Variants in MACROD2 observed in about 807,000 individuals in gnomAD.
The protein encoded by MACROD2 is mono-ADP ribosylhydrolase 2.
A neutral mutation model predicts 70.4 loss-of-function variants in MACROD2; 36 were observed. The ratio of observed to expected loss-of-function variants is 0.51; its 90% CI spans 0.39 to 0.68. The LOEUF (loss-of-function observed/expected upper bound fraction) is 0.68. Among genes scored for constraint, MACROD2 ranks in the 30% least tolerant of loss-of-function variants. The pLI is 0.00. For missense variants in MACROD2, 496 were observed against 538.4 expected (o/e 0.92, Z 0.78); for synonymous variants, 172 against 178.8 (o/e 0.96, Z 0.30).
intron 3 of MACROD2, among the ~76,000 whole-genome samples, chr20:14,189,468 T>G (rs1194960486): frequency 6.6e-6 from 1 of 152,224 alleles, no homozygotes; most frequent in Non-Finnish European, 1.5e-5. Context: ...ACAGCAGCTT[T>G]TTGGTTTCCT....
intron 8 of MACROD2, among the ~76,000 whole-genome samples, chr20:15,773,384 CT>C (rs1258273362): frequency 6.6e-6 from 1 of 152,014 alleles, no homozygotes; most frequent in Non-Finnish European, 1.5e-5. Context: ...AAACTTGATT[CT>C]GCTGCAAATC....
intron 2 of MACROD2, among the ~76,000 whole-genome samples, chr20:14,057,500 C>T (rs553925382): frequency 3.3e-5 from 5 of 152,210 alleles, no homozygotes; most frequent in African/African-American, 1.2e-4. Context: ...TAACACTCAG[C>T]AGAATGGCTA....
At chr20:15,955,675 A>G (rs1257275371) in intron 12 of MACROD2, among the ~76,000 whole-genome samples, 1 of 152,230 alleles carries the variant, frequency 6.6e-6, no homozygotes, top group East Asian at 1.9e-4. Context: ...TGAACCACAA[A>G]TGAGAACTAC....
intron 6 of MACROD2, among the ~76,000 whole-genome samples, chr20:15,359,780 A>C (rs539782034): frequency 6.6e-6 from 1 of 152,178 alleles, no homozygotes; most frequent in African/African-American, 2.4e-5. Flanking sequence ...TTGCAAAAAT[A>C]TGAGAGGTTC....
rs553456583 is a variant in MACROD2, at chr20:14,246,800, C to G, written c.271+161072C>G. Among the ~76,000 whole-genome samples, 6 of 152,264 alleles carry G rather than the reference C, an allele frequency of 3.9e-5. No homozygotes were observed. In the South Asian group the frequency reaches 1.2e-3, roughly 32 times the overall value. The stretch of plus-strand genomic sequence containing the variant: ...TCCTGTTGTAAAAACCCCTCCCAAA[C>G]TCTTATTCAGCCTTCCCTCAAGGTG... On this transcript the variant is annotated intron_variant, in intron 3 of 17. Coordinates refer to ENST00000684519, the MANE Select transcript of MACROD2 (RefSeq NM_001351661.2).
At chr20:14,958,083 C>T (rs573857035) in intron 5 of MACROD2, among the ~76,000 whole-genome samples, 1 of 152,148 alleles carries the variant, frequency 6.6e-6, no homozygotes, top group Non-Finnish European at 1.5e-5. Flanking sequence ...TTTGGACTAA[C>T]TAGACCTCTC....
chr20:14,989,312 A>G (rs932016513), intron 5 of MACROD2, among the ~76,000 whole-genome samples: 21 of 152,174 alleles, frequency 1.4e-4, no homozygotes, highest in African/African-American at 4.8e-4. Flanking sequence ...TGATTTTGAT[A>G]CCAGTGGGCT....
intron 13 of MACROD2, among the ~76,000 whole-genome samples, chr20:15,975,520 C>T (rs2066293727): frequency 6.6e-6 from 1 of 152,048 alleles, no homozygotes; most frequent in African/African-American, 2.4e-5. Flanking sequence ...TATTATGTAT[C>T]TTTTAAAAAC....
intron 3 of MACROD2, among the ~76,000 whole-genome samples, chr20:14,320,697 C>T (rs2082652105): frequency 8.0e-6 from 1 of 125,284 alleles, no homozygotes; most frequent in African/African-American, 3.2e-5. Flanking sequence ...TTGAAATGTA[C>T]ATGCCTAGCC....
chr20:16,050,889 C>T lies in MACROD2; in HGVS notation c.*1013C>T, dbSNP rs191351414. 6.6e-5 allele frequency: 10 copies of T among 152,364 alleles called. No individual in the cohort carries two copies. Among genetic ancestry groups the T allele is most frequent in the Admixed American group, 6.5e-4 (10 of 15,306 alleles). The allele number at this position is 152,364 out of a possible 1,614,324, so 9.4% of individuals were successfully genotyped here. On this transcript the variant is annotated 3_prime_UTR_variant, in exon 18 of 18. Transcript: ENST00000684519. Reference sequence around the variant, plus strand: ...TTAGAGCTTTTGCTTGCAGTTCTGCCTTCCTGGCCTGTGTTTAAATGCTGT... The same window carrying T: ...TTAGAGCTTTTGCTTGCAGTTCTGCTTTCCTGGCCTGTGTTTAAATGCTGT...
chr20:14,847,226 CT>C (rs1272274581), intron 5 of MACROD2, among the ~76,000 whole-genome samples: 1 of 152,136 alleles, frequency 6.6e-6, no homozygotes, highest in Non-Finnish European at 1.5e-5. Context: ...ACAGTGAACT[CT>C]AATGAGTTTA....
intron 3 of MACROD2, among the ~76,000 whole-genome samples, chr20:14,202,952 C>T (rs1439397683): frequency 1.3e-5 from 2 of 151,618 alleles, no homozygotes; most frequent in Admixed American, 1.3e-4. Flanking sequence ...GAGACTGAGG[C>T]AGGAGAATCA....
At chr20:15,740,659 A>C (rs2051090451) in intron 8 of MACROD2, among the ~76,000 whole-genome samples, 1 of 151,660 alleles carries the variant, frequency 6.6e-6, no homozygotes. Context: ...CAAGCTTAGC[A>C]TACCTAAAAC....
intron 15 of MACROD2, among the ~76,000 whole-genome samples, chr20:16,007,912 A>T (rs2066811385): frequency 6.6e-6 from 1 of 152,226 alleles, no homozygotes; most frequent in African/African-American, 2.4e-5. Flanking sequence ...CCAACTTTAT[A>T]TAAGTTTCAC....
intron 5 of MACROD2, among the ~76,000 whole-genome samples, chr20:14,957,099 A>T (rs2074543819): frequency 6.6e-6 from 1 of 151,894 alleles, no homozygotes; most frequent in African/African-American, 2.4e-5. Flanking sequence ...ATTATCAATG[A>T]TTTTTTTTAG....
chr20:14,658,683 G>A (rs906498396), intron 4 of MACROD2, among the ~76,000 whole-genome samples: 4 of 152,068 alleles, frequency 2.6e-5, no homozygotes, highest in South Asian at 2.1e-4. Context: ...GCACAATCTC[G>A]GCCCACTGCA....
intron 6 of MACROD2, among the ~76,000 whole-genome samples, chr20:15,234,328 G>A (rs1322285856): frequency 1.3e-5 from 2 of 151,304 alleles, no homozygotes; most frequent in Non-Finnish European, 2.9e-5. Context: ...CACCGCGCCC[G>A]GCCTATATAT....
At chr20:15,023,374 A>G (rs1276928954) in intron 5 of MACROD2, among the ~76,000 whole-genome samples, 1 of 152,100 alleles carries the variant, frequency 6.6e-6, no homozygotes, top group Non-Finnish European at 1.5e-5. Context: ...GGAGCTACAT[A>G]TACTCCAGCC....
At chr20:14,502,772 G>T (rs1005183191) in intron 4 of MACROD2, among the ~76,000 whole-genome samples, 3 of 152,150 alleles carry the variant, frequency 2.0e-5, no homozygotes, top group African/African-American at 7.2e-5. Flanking sequence ...TGTAGTAGAA[G>T]AGTTTGTTTT....
Sources: gnomAD v4.1 joint callset for allele counts (sites outside exome capture counted in the v4.1 genomes callset) on GRCh38, gnomAD v4.1.1 for gene constraint, MANE v1.5 for transcripts, NCBI Gene and HGNC (gene_info 2026-07-23, HGNC 2026-07-21) for gene names.